Variants in ANKS1B observed in about 807,000 individuals in gnomAD.
ANKS1B encodes the protein ankyrin repeat and sterile alpha motif domain-containing protein 1B.
ANKS1B carries 36 observed loss-of-function variants against 148.3 expected under a neutral mutation model. The observed-to-expected ratio is 0.24, with a 90% CI of 0.19 to 0.32. The LOEUF is 0.32. ANKS1B is among the 10% of genes least tolerant of loss of function. The pLI is 1.00. For missense variants in ANKS1B, 1,157 were observed against 1,542.6 expected (o/e 0.75, Z 4.19); for synonymous variants, 542 against 560.8 (o/e 0.97, Z 0.47).
chr12:99,038,481 AG>A lies in ANKS1B; in HGVS notation c.2778+14675del, dbSNP rs2099956885. On this transcript the variant is annotated intron_variant, in intron 17 of 26. Transcript: ENST00000683438. The stretch of plus-strand genomic sequence containing the variant: ...CCGACTACTAGGTGAATGCCTCAGT[AG>A]GTTTTCAATGACCTCCATCCCCATT... 3.3e-5 allele frequency among the ~76,000 whole-genome samples: 5 copies of A among 152,302 alleles called. No individual in the cohort carries two copies. In the South Asian group the frequency reaches 1.0e-3, roughly 32 times the overall value.
intron 1 of ANKS1B, among the ~76,000 whole-genome samples, chr12:99,837,049 G>T (rs534391379): frequency 1.3e-4 from 20 of 152,248 alleles, no homozygotes; most frequent in African/African-American, 4.8e-4. Flanking sequence ...CTTTATCCCG[G>T]ATTACCCAGG....
chr12:98,872,448 A>G (rs551098051), intron 17 of ANKS1B, among the ~76,000 whole-genome samples: 2 of 152,328 alleles, frequency 1.3e-5, no homozygotes, highest in African/African-American at 2.4e-5. Context: ...CTAAGGCAGG[A>G]GAATCACTTG....
intron 8 of ANKS1B, among the ~76,000 whole-genome samples, chr12:99,741,508 A>G (rs1219843181): frequency 1.3e-5 from 2 of 152,190 alleles, no homozygotes; most frequent in African/African-American, 4.8e-5. Context: ...ATGCCCATCA[A>G]TGATAGGCTG....
At chr12:99,345,813 C>T (rs2090589019) in intron 12 of ANKS1B, among the ~76,000 whole-genome samples, 1 of 151,910 alleles carries the variant, frequency 6.6e-6, no homozygotes, top group Non-Finnish European at 1.5e-5. Flanking sequence ...CGGAGCTGAG[C>T]CAAATGCTGT....
At chr12:99,177,573 GC>G (rs1418089683) in intron 14 of ANKS1B, among the ~76,000 whole-genome samples, 1 of 152,202 alleles carries the variant, frequency 6.6e-6, no homozygotes, top group African/African-American at 2.4e-5. Context: ...AGGGACACAA[GC>G]TTTTGCTTAA....
intron 12 of ANKS1B, among the ~76,000 whole-genome samples, chr12:99,366,727 A>G (rs569989520): frequency 2.0e-4 from 30 of 152,348 alleles, no homozygotes; most frequent in African/African-American, 5.5e-4. Flanking sequence ...AAATAAAACC[A>G]TATAAGATCT....
intron 1 of ANKS1B, among the ~76,000 whole-genome samples, chr12:99,873,937 T>C (rs987417001): frequency 4.0e-5 from 6 of 151,788 alleles, no homozygotes; most frequent in Non-Finnish European, 7.4e-5. Context: ...GCTGGTATGC[T>C]CTGCAGATTT....
intron 7 of ANKS1B, among the ~76,000 whole-genome samples, chr12:99,773,886 A>G (rs1205698707): frequency 6.6e-6 from 1 of 152,124 alleles, no homozygotes; most frequent in East Asian, 1.9e-4. Flanking sequence ...AAGGTTTCCA[A>G]GAACACAAAA....
chr12:99,666,232 A>T (rs4986690), intron 8 of ANKS1B, among the ~76,000 whole-genome samples: 25,164 of 152,112 alleles, frequency 0.17, 2,939 homozygotes, highest in East Asian at 0.47. Context: ...AATCAGAGAA[A>T]CCTCCAAATT....
intron 5 of ANKS1B, among the ~76,000 whole-genome samples, chr12:99,781,141 A>T (rs2064277743): frequency 6.6e-6 from 1 of 151,538 alleles, no homozygotes; most frequent in Non-Finnish European, 1.5e-5. Context: ...ATACATGTTT[A>T]AATTTGCATA....
chr12:99,353,113 C>T (rs1414160933), intron 12 of ANKS1B, among the ~76,000 whole-genome samples: 1 of 151,960 alleles, frequency 6.6e-6, no homozygotes. Context: ...TGCTTCTCCC[C>T]AGTATGAATC....
At chr12:99,496,369 T>A (rs2096604633) in intron 10 of ANKS1B, among the ~76,000 whole-genome samples, 1 of 152,232 alleles carries the variant, frequency 6.6e-6, no homozygotes, top group Admixed American at 6.5e-5. Flanking sequence ...ATCCATCCAT[T>A]CATTCGTTCA....
chr12:99,879,912 G>C (rs10860533), intron 1 of ANKS1B, among the ~76,000 whole-genome samples: 98,380 of 151,982 alleles, frequency 0.65, 33,438 homozygotes, highest in African/African-American at 0.79. Context: ...GATCATGCAC[G>C]ACCAGATTAG....
At chr12:98,817,571 CTT>C (rs982937286) in intron 19 of ANKS1B, among the ~76,000 whole-genome samples, 1 of 152,216 alleles carries the variant, frequency 6.6e-6, no homozygotes, top group African/African-American at 2.4e-5. Context: ...CTTCTCACCT[CTT>C]GAGTGAGTTT....
chr12:99,626,258 C>T (rs2098112197), intron 9 of ANKS1B, among the ~76,000 whole-genome samples: 1 of 152,070 alleles, frequency 6.6e-6, no homozygotes, highest in Admixed American at 6.5e-5. Context: ...ACAACCAGCC[C>T]CTAAAATATC....
chr12:98,848,794 A>G (rs1042673878), intron 17 of ANKS1B, among the ~76,000 whole-genome samples: 6 of 124,410 alleles, frequency 4.8e-5, no homozygotes, highest in Non-Finnish European at 9.3e-5. Context: ...GCTGGAGTGC[A>G]ATGGCGTGAT....
At chr12:99,645,551 G>A (rs955112490) in intron 9 of ANKS1B, among the ~76,000 whole-genome samples, 3 of 152,026 alleles carry the variant, frequency 2.0e-5, no homozygotes, top group Non-Finnish European at 4.4e-5. Context: ...TTAACCCAAT[G>A]ACATAAACTC....
At position 99,943,751 on chromosome 12, in the gene ANKS1B, G is replaced by T. The variant is rs149440233; in HGVS notation, c.134+40353C>A. 3.6e-3 allele frequency among the ~76,000 whole-genome samples: 548 copies of T among 152,040 alleles called. 1 individual carries two copies. Among genetic ancestry groups the T allele is most frequent in the Non-Finnish European group, 6.4e-3 (434 of 67,972 alleles). On this transcript the variant is annotated intron_variant, in intron 1 of 26. Coordinates refer to ENST00000683438, the MANE Select transcript of ANKS1B (RefSeq NM_001352186.2). ...AAGCTACAGTTCAAGATTTGGGTGG[G>T]GACACAGCTGAAACATATCACTGTT... is the stretch of plus-strand genomic sequence containing the variant.
intron 8 of ANKS1B, chr12:99,706,677 A>T (rs186556710): frequency 8.0e-4 from 122 of 152,236 alleles, no homozygotes; most frequent in African/African-American, 2.9e-3. Context: ...TTCCATAGTT[A>T]TGTCACATAA....
Sources: allele counts gnomAD v4.1 joint callset (sites outside exome capture counted in the v4.1 genomes callset), GRCh38; gene constraint gnomAD v4.1.1; transcripts MANE v1.5; gene names NCBI Gene and HGNC (gene_info 2026-07-23, HGNC 2026-07-21).